The following CRADD variants were observed in gnomAD, a reference collection of about 807,000 sequenced individuals.
CRADD encodes the protein death domain-containing protein CRADD.
CRADD carries 9 observed loss-of-function variants against 15.5 expected under a neutral mutation model. That is an observed-to-expected ratio of 0.58 (90% confidence interval 0.35 to 1.01). CRADD has a LOEUF of 1.01. Among genes scored for constraint, CRADD ranks in the 50% least tolerant of loss-of-function variants. The probability of loss-of-function intolerance (pLI) is 0.02; values close to 1 mark genes in which losing one functional copy is unlikely to be tolerated. For missense variants in CRADD, 227 were observed against 250.3 expected (o/e 0.91, Z 0.63); for synonymous variants, 118 against 107.6 (o/e 1.10, Z -0.60).
chr12:93,711,055 C>CCCCCCCCCTTTT, intron 2 of CRADD, among the ~76,000 whole-genome samples: 1 of 43,504 alleles, frequency 2.3e-5, no homozygotes, highest in African/African-American at 8.5e-5. Flanking sequence ...CCACCCCCGC[C>CCCCCCCCCTTTT]TTTTTTTTTT....
At chr12:93,742,000 A>G (rs1169465676) in intron 2 of CRADD, among the ~76,000 whole-genome samples, 2 of 152,104 alleles carry the variant, frequency 1.3e-5, no homozygotes, top group Non-Finnish European at 2.9e-5. Flanking sequence ...TGTTATGGAA[A>G]GTTCTCGACT....
At chr12:93,859,635 G>A (rs1958303413) in intron 2 of CRADD, among the ~76,000 whole-genome samples, 1 of 152,054 alleles carries the variant, frequency 6.6e-6, no homozygotes, top group African/African-American at 2.4e-5. Context: ...GATGAAGGTG[G>A]GTCTTATCAC....
At chr12:93,710,211 G>C (rs547014943) in intron 2 of CRADD, among the ~76,000 whole-genome samples, 8 of 152,216 alleles carry the variant, frequency 5.3e-5, no homozygotes, top group African/African-American at 1.9e-4. Context: ...GTTTCCTGTT[G>C]GCTGTGCACT....
chr12:93,750,393 G>A (rs1043242274), intron 2 of CRADD, among the ~76,000 whole-genome samples: 5 of 152,186 alleles, frequency 3.3e-5, no homozygotes, highest in African/African-American at 1.2e-4. Context: ...TAGAGGATGT[G>A]ACTTCATTTT....
At chr12:93,880,671 C>T (rs540338882) in intron 2 of CRADD, among the ~76,000 whole-genome samples, 4 of 149,524 alleles carry the variant, frequency 2.7e-5, no homozygotes, top group Non-Finnish European at 4.4e-5. Context: ...TACCATGCTT[C>T]GAAAGGACTG....
intron 2 of CRADD, among the ~76,000 whole-genome samples, chr12:93,887,345 C>T (rs1167158459): frequency 1.3e-5 from 2 of 152,268 alleles, no homozygotes; most frequent in Admixed American, 6.5e-5. Context: ...CAGATATTGC[C>T]GTCGGCAGAT....
intron 2 of CRADD, among the ~76,000 whole-genome samples, chr12:93,805,219 A>T (rs1565920385): frequency 6.6e-6 from 1 of 152,064 alleles, no homozygotes. Context: ...CTTACTCTAC[A>T]TGGAAATCCT....
intron 2 of CRADD, among the ~76,000 whole-genome samples, chr12:93,880,485 C>T (rs1958489710): frequency 6.6e-6 from 1 of 152,138 alleles, no homozygotes. Context: ...AGGAGCAAGT[C>T]TAGGAATGGG....
intron 2 of CRADD, among the ~76,000 whole-genome samples, chr12:93,707,411 GA>G (rs1413159906): frequency 1.3e-5 from 2 of 152,178 alleles, no homozygotes; most frequent in Admixed American, 6.5e-5. Context: ...GGAATCTGGG[GA>G]TAGGGGATCC....
intron 2 of CRADD, among the ~76,000 whole-genome samples, chr12:93,817,497 A>C (rs1421933455): frequency 1.3e-5 from 2 of 152,202 alleles, no homozygotes; most frequent in Non-Finnish European, 2.9e-5. Flanking sequence ...CTCCAAGGTC[A>C]CAGTGGCTGT....
intron 2 of CRADD, among the ~76,000 whole-genome samples, chr12:93,864,592 T>C (rs891328092): frequency 2.6e-5 from 4 of 152,190 alleles, no homozygotes; most frequent in Non-Finnish European, 5.9e-5. Flanking sequence ...AGGATAAAAG[T>C]GAGGGTCACT....
At chr12:93,740,298 C>G (rs776567002) in intron 2 of CRADD, among the ~76,000 whole-genome samples, 1 of 152,068 alleles carries the variant, frequency 6.6e-6, no homozygotes, top group Non-Finnish European at 1.5e-5. Flanking sequence ...ATTAGAACAA[C>G]TTTTTTTCTC....
At chr12:93,761,175 A>C (rs1253779319) in intron 2 of CRADD, among the ~76,000 whole-genome samples, 1 of 152,238 alleles carries the variant, frequency 6.6e-6, no homozygotes, top group East Asian at 1.9e-4. Context: ...AGCATTTTAA[A>C]AAAATTCTCC....
At chr12:93,739,663 A>G (rs981638717) in intron 2 of CRADD, among the ~76,000 whole-genome samples, 1 of 152,166 alleles carries the variant, frequency 6.6e-6, no homozygotes, top group Non-Finnish European at 1.5e-5. Context: ...GAAAACTCAT[A>G]ATTTTGAAAT....
At chr12:93,697,717 A>G (rs1418521153) in intron 2 of CRADD, among the ~76,000 whole-genome samples, 1 of 152,174 alleles carries the variant, frequency 6.6e-6, no homozygotes, top group African/African-American at 2.4e-5. Context: ...TTCTAGGTTC[A>G]TGACTGAGGC....
intron 2 of CRADD, among the ~76,000 whole-genome samples, chr12:93,870,251 A>G (rs1026976136): frequency 6.6e-6 from 1 of 152,200 alleles, no homozygotes; most frequent in African/African-American, 2.4e-5. Flanking sequence ...CAACACATGG[A>G]GAAGTATTTA....
intron 2 of CRADD, among the ~76,000 whole-genome samples, chr12:93,781,587 G>A (rs1280782340): frequency 6.6e-6 from 1 of 152,166 alleles, no homozygotes; most frequent in African/African-American, 2.4e-5. Flanking sequence ...ACTAAAAGTG[G>A]AACAGCCGAA....
intron 2 of CRADD, among the ~76,000 whole-genome samples, chr12:93,779,824 G>T (rs1308536671): frequency 6.6e-6 from 1 of 152,056 alleles, no homozygotes; most frequent in Admixed American, 6.6e-5. Flanking sequence ...CCTGACCTCA[G>T]GTGATCTGCC....
intron 2 of CRADD, among the ~76,000 whole-genome samples, chr12:93,883,438 G>T (rs1958515986): frequency 6.6e-6 from 1 of 152,132 alleles, no homozygotes; most frequent in Admixed American, 6.5e-5. Flanking sequence ...TATTTACTGA[G>T]ATAGTAATAT....
Sources: gnomAD v4.1 joint callset for allele counts (sites outside exome capture counted in the v4.1 genomes callset) on GRCh38, gnomAD v4.1.1 for gene constraint, MANE v1.5 for transcripts, NCBI Gene and HGNC (gene_info 2026-07-23, HGNC 2026-07-21) for gene names.